Variants in NUP54 observed in about 807,000 individuals in gnomAD.
NUP54 encodes nucleoporin p54.
A neutral mutation model predicts 66.4 loss-of-function variants in NUP54; 27 were observed. That is an observed-to-expected ratio of 0.41 (90% CI 0.30 to 0.56). The LOEUF (loss-of-function observed/expected upper bound fraction) is 0.56. Among genes scored for constraint, NUP54 ranks in the 20% least tolerant of loss-of-function variants. The probability of loss-of-function intolerance (pLI) is 0.34; values close to 1 mark genes in which losing one functional copy is unlikely to be tolerated. For missense variants in NUP54, 486 were observed against 596.3 expected, an observed-to-expected ratio of 0.82 and a Z score of 1.93; for synonymous variants, 206 against 210.7, an observed-to-expected ratio of 0.98 and a Z score of 0.19.
chr4:76,137,015 G>A (rs930566364), intron 3 of NUP54, among the ~76,000 whole-genome samples: 1 of 151,934 alleles, frequency 6.6e-6, no homozygotes, highest in African/African-American at 2.4e-5. Context: ...TTTGAGACAG[G>A]GTCTTACTTT....
chr4:76,145,936 C>G (rs1731478806), intron 1 of NUP54: 1 of 284,640 alleles, frequency 3.5e-6, no homozygotes, highest in East Asian at 1.0e-4. Flanking sequence ...CTTGTAGGTT[C>G]TACTGCAGTA....
intron 7 of NUP54, 57 bp from the exon 8 acceptor site, chr4:76,130,806 G>T: frequency 8.8e-7 from 1 of 1,138,116 alleles, no homozygotes; most frequent in Non-Finnish European, 1.3e-6. Flanking sequence ...CAAAATACAA[G>T]AAGTGAAGGT....
intron 3 of NUP54, among the ~76,000 whole-genome samples, chr4:76,140,179 T>C (rs556834947): frequency 6.6e-6 from 1 of 150,908 alleles, no homozygotes; most frequent in South Asian, 2.1e-4. Context: ...GGTTATAAGA[T>C]CCTGAGTCAG....
intron 1 of NUP54, chr4:76,145,579 T>C (rs1731464084): frequency 2.4e-6 from 3 of 1,274,590 alleles, no homozygotes; most frequent in African/African-American, 1.5e-5. Flanking sequence ...AATGTGTTTC[T>C]TGAAGGAAGA....
In NUP54 at chr4:76,144,310, G is replaced by C; in HGVS notation, c.152-18C>G. 6.3e-7 allele frequency: 1 copy of C among 1,577,418 alleles called. No homozygotes were observed. The highest frequency in any genetic ancestry group is 8.5e-7 in the Non-Finnish European group (1 of 1,170,486). On this transcript the variant is annotated intron_variant, in intron 2 of 11. Coordinates refer to ENST00000264883, the MANE Select transcript of NUP54 (RefSeq NM_017426.4). ...AAAGAGTCCTTTGAATGAAAAATTG[G>C]AACTTCGTAAGTTAAAAAAAAAAAA... is the stretch of plus-strand genomic sequence containing the variant.
chr4:76,132,519 A>T lies in NUP54; in HGVS notation c.907+4T>A, dbSNP rs1730848244. On this transcript the variant is annotated splice_donor_region_variant and intron_variant, in intron 6 of 11. Transcript: ENST00000264883. ...TTTTGAACTCTGTGATTCTAGAAAC[A>T]TACCAGCAGGAGGATTCTGTAAAAG... 6.3e-7 allele frequency: 1 copy of T among 1,575,350 alleles called. No homozygotes were observed. The highest frequency in any genetic ancestry group is 2.3e-5 in the East Asian group (1 of 43,778).
intron 1 of NUP54, among the ~76,000 whole-genome samples, chr4:76,145,090 G>A (rs76279328): frequency 0.13 from 19,695 of 151,544 alleles, 1,480 homozygotes; most frequent in East Asian, 0.34. Context: ...AGGCCGAGGG[G>A]GGTGGATCAC....
Position 76,131,210 on chromosome 4 carries a change from CAAG to C in NUP54, c.962+17_962+19del, listed in dbSNP as rs772460431. ...AGCAAATATTAGTTCTTAAATGAAA[CAAG>C]ATGAAGACATACTTACTTTTCAGAA... On this transcript the variant is annotated intron_variant, in intron 7 of 11. Transcript: ENST00000264883. The C allele has an allele frequency of 4.3e-5, 66 of 1,526,176 alleles. No homozygotes were observed. The highest frequency in any genetic ancestry group is 5.1e-5 in the Non-Finnish European group (57 of 1,109,088). The allele number at this position is 1,526,176 out of a possible 1,614,324, so 94.5% of individuals were successfully genotyped here.
chr4:76,145,317 C>CAAAA (rs58518890), intron 1 of NUP54, among the ~76,000 whole-genome samples: 2 of 101,580 alleles, frequency 2.0e-5, no homozygotes, highest in Non-Finnish European at 2.1e-5. Context: ...GACTCCGTCT[C>CAAAA]AAAAAAAAAA....
chr4:76,133,312 G>GT (rs34663204), intron 5 of NUP54, among the ~76,000 whole-genome samples: 23,301 of 146,924 alleles, frequency 0.16, 2,769 homozygotes, highest in African/African-American at 0.33. Flanking sequence ...GATAGTATTT[G>GT]TTTTTTTTTT....
chr4:76,148,144 T>G (rs959810150), intron 1 of NUP54, 164 bp downstream of exon 1: 42 of 498,612 alleles, frequency 8.4e-5, no homozygotes, highest in Non-Finnish European at 1.3e-4. Flanking sequence ...CCTCCTCGGG[T>G]GCCGCCTCGG....
intron 4 of NUP54, 123 bp from the exon 5 acceptor site, chr4:76,134,485 A>C: frequency 1.3e-5 from 10 of 793,876 alleles, no homozygotes; most frequent in Non-Finnish European, 1.8e-5. Flanking sequence ...AATTAAGGGA[A>C]TAATGATTCT....
chr4:76,133,409 C>T (rs1730898930), intron 5 of NUP54, among the ~76,000 whole-genome samples: 1 of 151,810 alleles, frequency 6.6e-6, no homozygotes, highest in African/African-American at 2.4e-5. Flanking sequence ...GGGTTCATGC[C>T]ACTCTCCTGC....
intron 8 of NUP54, among the ~76,000 whole-genome samples, chr4:76,125,881 AGAGAGAGG>A (rs1730518625): frequency 6.8e-6 from 1 of 148,014 alleles, no homozygotes; most frequent in African/African-American, 2.5e-5. Flanking sequence ...AGAGAGACAG[AGAGAGAGG>A]GAGAGACCTA....
chr4:76,131,236 G>T lies in NUP54; in HGVS notation c.956C>A (p.Ser319Tyr). The T allele has an allele frequency of 6.3e-7, 1 of 1,587,546 alleles. No homozygotes were observed. The highest frequency in any genetic ancestry group is 8.6e-7 in the Non-Finnish European group (1 of 1,161,156). The part of the protein sequence containing the change: ...WEQAKVDNPD[S>Y]EKLIPVPMVG... ...AAGATGAAGACATACTTACTTTTCA[G>T]AATCAGGGTTATCTACCTTGGCCTG... The change falls in exon 7 of 12, where the codon TCT (serine) becomes TAT (tyrosine). Residue 319 changes from serine to tyrosine, a missense_variant. Ser to Tyr is a moderately radical substitution (Grantham distance 144). Coordinates refer to ENST00000264883, the MANE Select transcript of NUP54 (RefSeq NM_017426.4).
intron 8 of NUP54, among the ~76,000 whole-genome samples, chr4:76,129,316 C>A (rs1403495936): frequency 6.6e-6 from 1 of 152,122 alleles, no homozygotes; most frequent in African/African-American, 2.4e-5. Context: ...GAAAACACAA[C>A]AATCCTATAT....
At position 76,122,551 on chromosome 4, in the gene NUP54, T is replaced by A. The variant is rs1269889591; in HGVS notation, c.1164+2098A>T. Among the ~76,000 whole-genome samples, 3 of 152,218 alleles carry A rather than the reference T, an allele frequency of 2.0e-5. No individual in the cohort carries two copies. In the South Asian group the frequency reaches 6.2e-4, roughly 32 times the overall value. On this transcript the variant is annotated intron_variant, in intron 9 of 11. Coordinates refer to ENST00000264883, the MANE Select transcript of NUP54 (RefSeq NM_017426.4). ...TCTGGCTTTTTTCACTTAGCATAAT[T>A]TGCATCTCTTTAAAATAGCTGTTTA...
chr4:76,146,752 T>G (rs1731517315), intron 1 of NUP54, among the ~76,000 whole-genome samples: 1 of 152,206 alleles, frequency 6.6e-6, no homozygotes, highest in Non-Finnish European at 1.5e-5. Flanking sequence ...CATTATTGTT[T>G]TGCAAAATTT....
chr4:76,133,979 T>TAG (rs1730924127), intron 5 of NUP54, among the ~76,000 whole-genome samples, 196 bp downstream of exon 5: 1 of 152,184 alleles, frequency 6.6e-6, no homozygotes, highest in South Asian at 2.1e-4. Flanking sequence ...TATTAGCATC[T>TAG]AGTAAGTTAA....
Sources: allele counts gnomAD v4.1 joint callset (sites outside exome capture counted in the v4.1 genomes callset), GRCh38; gene constraint gnomAD v4.1.1; transcripts MANE v1.5; gene names NCBI Gene and HGNC (gene_info 2026-07-23, HGNC 2026-07-21).